Variants in TTC7B observed in about 807,000 individuals in gnomAD.
The protein encoded by TTC7B is tetratricopeptide repeat domain 7B.
TTC7B carries 28 observed loss-of-function variants against 106.8 expected under a neutral mutation model. The observed-to-expected ratio is 0.26, with a 90% CI of 0.19 to 0.36. TTC7B has a LOEUF of 0.36. Among genes scored for constraint, TTC7B ranks in the 10% least tolerant of loss-of-function variants. TTC7B has a pLI of 1.00. For missense variants in TTC7B, 862 were observed against 1,076.4 expected (o/e 0.80, Z 2.79); for synonymous variants, 405 against 430.6 (o/e 0.94, Z 0.74).
chr14:90,549,763 A>T (rs576589921), intron 19 of TTC7B, among the ~76,000 whole-genome samples: 3 of 152,178 alleles, frequency 2.0e-5, no homozygotes, highest in Non-Finnish European at 4.4e-5. Context: ...CTTTATCTGC[A>T]TAAGGGGGAG....
intron 5 of TTC7B, among the ~76,000 whole-genome samples, chr14:90,706,161 ATTTTTTT>A (rs59137630): frequency 1.9e-4 from 24 of 128,436 alleles, no homozygotes; most frequent in African/African-American, 4.8e-4. Flanking sequence ...AGCTGGAATA[ATTTTTTT>A]TTTTTTTTTT....
In TTC7B at chr14:90,657,321, A is replaced by G; in HGVS notation, c.1237-43T>C. 5.0e-6 allele frequency: 8 copies of G among 1,593,130 alleles called. No individual in the cohort carries two copies. The highest frequency in any genetic ancestry group is 6.9e-6 in the Non-Finnish European group (8 of 1,167,354). ...ATTTCCGTGAAACTCAAAGTGTTTG[A>G]CAGAACCGAATACTACAGCCTTCTC... On this transcript the variant is annotated intron_variant, in intron 10 of 19. Transcript: ENST00000328459. This position sits in a 1 kb window ranked among gnomAD's most constrained non-coding sequence, Gnocchi z 4.2.
intron 5 of TTC7B, among the ~76,000 whole-genome samples, chr14:90,726,634 A>AT (rs1198632683): frequency 1.3e-5 from 2 of 152,146 alleles, no homozygotes; most frequent in Non-Finnish European, 2.9e-5. Context: ...GGTGACTGAT[A>AT]TTCACCCTAC....
At chr14:90,605,616 G>A in intron 17 of TTC7B, 8 of 1,285,200 alleles carry the variant, frequency 6.2e-6, no homozygotes, top group Non-Finnish European at 8.1e-6. Flanking sequence ...GTTCCCGGCG[G>A]GGACCTGCGT....
intron 7 of TTC7B, among the ~76,000 whole-genome samples, chr14:90,687,613 A>G (rs1887297460): frequency 6.6e-6 from 1 of 152,244 alleles, no homozygotes; most frequent in African/African-American, 2.4e-5. Context: ...TTTTTATGAT[A>G]TAAATATCAC....
At chr14:90,785,240 G>A (rs966262658) in intron 2 of TTC7B, among the ~76,000 whole-genome samples, 4 of 152,228 alleles carry the variant, frequency 2.6e-5, no homozygotes, top group Admixed American at 6.5e-5. Flanking sequence ...ATGGCTTCCC[G>A]GGGGGAAGCG....
chr14:90,693,785 G>A (rs1887565501), intron 6 of TTC7B, among the ~76,000 whole-genome samples: 2 of 152,164 alleles, frequency 1.3e-5, no homozygotes, highest in Admixed American at 1.3e-4. Flanking sequence ...CAGCTGCTTT[G>A]GAAAACAGTC....
intron 19 of TTC7B, among the ~76,000 whole-genome samples, chr14:90,546,142 T>G (rs1889821252): frequency 6.6e-6 from 1 of 152,200 alleles, no homozygotes; most frequent in South Asian, 2.1e-4. Context: ...AAGCTCCAGC[T>G]GCAGTCAGAG....
intron 7 of TTC7B, among the ~76,000 whole-genome samples, chr14:90,681,043 A>G (rs1042061713): frequency 4.6e-5 from 7 of 152,234 alleles, no homozygotes; most frequent in Admixed American, 2.6e-4. Flanking sequence ...ATTTAGACAC[A>G]TAAGTTTTAT....
intron 19 of TTC7B, among the ~76,000 whole-genome samples, chr14:90,571,974 C>A (rs1341234353): frequency 6.6e-6 from 1 of 152,150 alleles, no homozygotes; most frequent in Non-Finnish European, 1.5e-5. Flanking sequence ...CTGAATCTCT[C>A]CTCCCACAGG....
At chr14:90,603,469 CA>C (rs1234152410) in intron 17 of TTC7B, among the ~76,000 whole-genome samples, 1 of 152,132 alleles carries the variant, frequency 6.6e-6, no homozygotes, top group Non-Finnish European at 1.5e-5. Context: ...TTTCCACTAA[CA>C]TTTTTTTTTT....
At chr14:90,605,591 G>T in intron 17 of TTC7B, 1 of 1,279,110 alleles carries the variant, frequency 7.8e-7, no homozygotes, top group Non-Finnish European at 1.0e-6. Context: ...GAAAAACCAT[G>T]TTTACAGAGA....
Position 90,536,176 on chromosome 14 carries a change from C to T in TTC7B, c.*5192G>A, listed in dbSNP as rs1350528391. ...TCCAGGCATTGAGAGAGCCCACCCACCTCCTCCAGGAAGCTCACCCTGCCT... is the reference window on the plus strand; with the variant it reads ...TCCAGGCATTGAGAGAGCCCACCCATCTCCTCCAGGAAGCTCACCCTGCCT... On this transcript the variant is annotated 3_prime_UTR_variant, in exon 20 of 20. Coordinates refer to ENST00000328459, the MANE Select transcript of TTC7B (RefSeq NM_001010854.2). 6.5e-6 allele frequency: 1 copy of T among 154,984 alleles called. No homozygotes were observed. Among genetic ancestry groups the T allele is most frequent in the Admixed American group, 6.5e-5 (1 of 15,292 alleles). The allele number at this position is 154,984 out of a possible 1,614,324, so 9.6% of individuals were successfully genotyped here.
intron 19 of TTC7B, among the ~76,000 whole-genome samples, chr14:90,549,793 G>A (rs1890000544): frequency 6.6e-6 from 1 of 152,140 alleles, no homozygotes; most frequent in Non-Finnish European, 1.5e-5. Flanking sequence ...CCAAACGGGG[G>A]AGTTAGTTGG....
chr14:90,799,585 G>A (rs1422755151), intron 1 of TTC7B, among the ~76,000 whole-genome samples: 1 of 152,136 alleles, frequency 6.6e-6, no homozygotes, highest in Non-Finnish European at 1.5e-5. Context: ...GCCCAGATCT[G>A]AGCGAAGAGC....
intron 15 of TTC7B, among the ~76,000 whole-genome samples, chr14:90,634,921 A>T (rs1884866655): frequency 6.6e-6 from 1 of 152,252 alleles, no homozygotes. Flanking sequence ...TAGATGTGTC[A>T]TAGCAAAAGT....
At chr14:90,560,416 C>T (rs1419111394) in intron 19 of TTC7B, among the ~76,000 whole-genome samples, 1 of 152,230 alleles carries the variant, frequency 6.6e-6, no homozygotes, top group Non-Finnish European at 1.5e-5. Context: ...ACACAGAAGA[C>T]ACAGGTGACA....
chr14:90,689,427 A>G, intron 7 of TTC7B, 113 bp downstream of exon 7: 1 of 936,220 alleles, frequency 1.1e-6, no homozygotes, highest in Middle Eastern at 3.4e-4. Flanking sequence ...ACACTTGTTC[A>G]TTTGATTTTC....
chr14:90,745,026 T>G (rs1331361453), intron 3 of TTC7B, 104 bp from the exon 4 acceptor site: 1 of 1,162,412 alleles, frequency 8.6e-7, no homozygotes, highest in Non-Finnish European at 1.2e-6. Context: ...GAATATCATG[T>G]TGTTTGCAAA....
Sources: allele counts gnomAD v4.1 joint callset (sites outside exome capture counted in the v4.1 genomes callset), GRCh38; gene constraint gnomAD v4.1.1; non-coding constraint Gnocchi (gnomAD v3.1); transcripts MANE v1.5; gene names NCBI Gene and HGNC (gene_info 2026-07-23, HGNC 2026-07-21).